Variants in LDLRAD4 observed in about 807,000 individuals in gnomAD.
LDLRAD4 encodes low density lipoprotein receptor class A domain containing 4.
A neutral mutation model predicts 17.0 loss-of-function variants in LDLRAD4; 5 were observed. The ratio of observed to expected loss-of-function variants is 0.29; its 90% CI spans 0.15 to 0.62. The LOEUF is 0.62. LDLRAD4 is among the 20% of genes least tolerant of loss of function. The pLI is 0.84. For missense variants in LDLRAD4, 340 were observed against 424.7 expected, an observed-to-expected ratio of 0.80 and a Z score of 1.75; for synonymous variants, 168 against 171.8, an observed-to-expected ratio of 0.98 and a Z score of 0.17.
intron 3 of LDLRAD4, among the ~76,000 whole-genome samples, chr18:13,469,249 A>T (rs1200646753): frequency 6.6e-6 from 1 of 152,218 alleles, no homozygotes; most frequent in Non-Finnish European, 1.5e-5. Context: ...ATTGGCAAAG[A>T]TGTGGAGAAA....
At chr18:13,229,287 C>T (rs1244380906) in intron 1 of LDLRAD4, among the ~76,000 whole-genome samples, 3 of 152,194 alleles carry the variant, frequency 2.0e-5, no homozygotes, top group African/African-American at 7.2e-5. Context: ...CTGCCGGGCC[C>T]CTTGAAGGCT....
At chr18:13,618,321 G>A (rs896696452) in intron 3 of LDLRAD4, among the ~76,000 whole-genome samples, 3 of 152,216 alleles carry the variant, frequency 2.0e-5, no homozygotes, top group Non-Finnish European at 4.4e-5. Context: ...GGGGCTTGGT[G>A]GAGTCAGGGG....
intron 3 of LDLRAD4, among the ~76,000 whole-genome samples, chr18:13,482,703 G>A (rs537274585): frequency 6.6e-6 from 1 of 152,300 alleles, no homozygotes; most frequent in African/African-American, 2.4e-5. Context: ...GCAGACAATG[G>A]ACTGGGACTA....
At chr18:13,442,446 T>C (rs1387994821) in intron 3 of LDLRAD4, among the ~76,000 whole-genome samples, 1 of 152,160 alleles carries the variant, frequency 6.6e-6, no homozygotes, top group African/African-American at 2.4e-5. Context: ...CAGAAGAGCA[T>C]GAGCGTAGGT....
rs34206198 is a variant in LDLRAD4, at chr18:13,531,444, TAA to T, written c.182-89657_182-89656del. ...GGGCAACATAGTGAGACCCCATATC[TAA>T]AAAAAAAAAAAAAAATAGGTAGCCT... On this transcript the variant is annotated intron_variant, in intron 3 of 5. Coordinates refer to ENST00000359446, the Ensembl canonical transcript of LDLRAD4. Among the ~76,000 whole-genome samples, 1,011 of 137,984 alleles carry T rather than the reference TAA, an allele frequency of 7.3e-3. 1 individual carries two copies. The highest frequency in any genetic ancestry group is 0.012 in the African/African-American group (459 of 37,492). The allele number at this position is 137,984 out of a possible 152,430, so 90.5% of individuals were successfully genotyped here.
At chr18:13,386,442 C>G (rs1361230284) in intron 1 of LDLRAD4, among the ~76,000 whole-genome samples, 2 of 151,776 alleles carry the variant, frequency 1.3e-5, no homozygotes, top group African/African-American at 2.4e-5. Flanking sequence ...GATCTTGGCT[C>G]ACTGCAACCT....
rs896826586 is a variant in LDLRAD4 at position 13,300,296 on chromosome 18, G to A, written c.-383+22108G>A. Among the ~76,000 whole-genome samples the A allele has an allele frequency of 2.6e-5, 4 of 152,166 alleles. No homozygotes were observed. The highest frequency in any genetic ancestry group is 2.1e-4 in the South Asian group (1 of 4,832). Reference sequence around the variant, plus strand: ...CTTCCCACTCTCCTGCCCACCCCGCGCCTGTGCTCTGCCTCAGCCACAAGG... The same window carrying A: ...CTTCCCACTCTCCTGCCCACCCCGCACCTGTGCTCTGCCTCAGCCACAAGG... On this transcript the variant is annotated intron_variant, in intron 1 of 5. Transcript: ENST00000359446. This position sits in a 1 kb window ranked among gnomAD's most constrained non-coding sequence, Gnocchi z 4.2.
exon 6 of LDLRAD4, chr18:13,652,162 G>A (rs1436338071): frequency 6.6e-6 from 1 of 152,210 alleles, no homozygotes; most frequent in South Asian, 2.1e-4. Flanking sequence ...TGTTGAGCAT[G>A]AGAATGTTCT....
intron 1 of LDLRAD4, among the ~76,000 whole-genome samples, chr18:13,226,773 C>G (rs1033974658): frequency 7.0e-6 from 1 of 142,264 alleles, no homozygotes; most frequent in Non-Finnish European, 1.6e-5. Context: ...TTAAATTCTA[C>G]TCAGGTAGGT....
At chr18:13,603,126 C>A (rs535460682) in intron 3 of LDLRAD4, among the ~76,000 whole-genome samples, 106 of 152,166 alleles carry the variant, frequency 7.0e-4, no homozygotes, top group African/African-American at 2.5e-3. Context: ...CTTTTTAGGG[C>A]CCAAGATAAG....
Position 13,596,217 on chromosome 18 carries a change from A to G in LDLRAD4, c.182-24900A>G, listed in dbSNP as rs777573339. On this transcript the variant is annotated intron_variant, in intron 3 of 5. Transcript: ENST00000359446. ...CAGTTTTCTTATGACTGTTGTTTGT[A>G]TATCTTTTTCCATGTTTTTTACTTT... is the stretch of plus-strand genomic sequence containing the variant. Among the ~76,000 whole-genome samples the G allele has an allele frequency of 2.0e-5, 3 of 152,038 alleles. No individual in the cohort carries two copies. In the East Asian group the frequency reaches 5.8e-4, roughly 29 times the overall value.
At chr18:13,397,145 G>T (rs1027189082) in intron 2 of LDLRAD4, among the ~76,000 whole-genome samples, 3 of 150,712 alleles carry the variant, frequency 2.0e-5, no homozygotes, top group African/African-American at 7.3e-5. Flanking sequence ...TTTTGTTTTT[G>T]TTTTTTTTTA....
intron 1 of LDLRAD4, among the ~76,000 whole-genome samples, chr18:13,372,690 A>T (rs1039411861): frequency 1.2e-4 from 18 of 152,186 alleles, no homozygotes; most frequent in African/African-American, 4.1e-4. Flanking sequence ...TGGAAGTTGA[A>T]TAAGACATTG....
At chr18:13,267,107 T>C (rs1055754214) in intron 1 of LDLRAD4, among the ~76,000 whole-genome samples, 3 of 152,268 alleles carry the variant, frequency 2.0e-5, no homozygotes, top group African/African-American at 7.2e-5. Flanking sequence ...CTAACATTGC[T>C]TTAGCAGTTC....
intron 2 of LDLRAD4, among the ~76,000 whole-genome samples, chr18:13,388,478 G>T (rs1465185641): frequency 6.6e-6 from 1 of 152,240 alleles, no homozygotes. Flanking sequence ...AATCCAGGGA[G>T]AATGTGTTTA....
intron 3 of LDLRAD4, among the ~76,000 whole-genome samples, chr18:13,485,337 G>T (rs1460223140): frequency 6.6e-6 from 1 of 152,212 alleles, no homozygotes; most frequent in African/African-American, 2.4e-5. Context: ...TGGGAGCCAG[G>T]AAGGCCTGAG....
chr18:13,426,365 C>T (rs1208523664), intron 2 of LDLRAD4, among the ~76,000 whole-genome samples: 1 of 152,208 alleles, frequency 6.6e-6, no homozygotes, highest in Non-Finnish European at 1.5e-5. Flanking sequence ...TGGGCATGTT[C>T]AGTCAAAAAA....
chr18:13,593,981 C>A (rs1170094352), intron 3 of LDLRAD4, among the ~76,000 whole-genome samples: 1 of 152,142 alleles, frequency 6.6e-6, no homozygotes, highest in Non-Finnish European at 1.5e-5. Context: ...TTAAAATTTT[C>A]TTTTCCTCCA....
chr18:13,275,097 G>A (rs1349574780), upstream of LDLRAD4, among the ~76,000 whole-genome samples: 1 of 152,116 alleles, frequency 6.6e-6, no homozygotes, highest in Non-Finnish European at 1.5e-5. Flanking sequence ...AATTGGATTG[G>A]CATTTTGTTT....
Sources: gnomAD v4.1 joint callset for allele counts (sites outside exome capture counted in the v4.1 genomes callset) on GRCh38, gnomAD v4.1.1 for gene constraint, Gnocchi (gnomAD v3.1) non-coding constraint, MANE v1.5 for transcripts, NCBI Gene and HGNC (gene_info 2026-07-23, HGNC 2026-07-21) for gene names.